ARID5B: variants seen among roughly 807,000 people sequenced by gnomAD.
ARID5B encodes the protein AT-rich interaction domain 5B.
In ARID5B, 13 loss-of-function variants were observed where a neutral mutation model predicts 97.2. The ratio of observed to expected loss-of-function variants is 0.13; its 90% confidence interval spans 0.09 to 0.21. ARID5B has a LOEUF of 0.21. Ranked by LOEUF, ARID5B falls within the 10% of genes least tolerant of loss-of-function variation. ARID5B has a pLI of 1.00. For synonymous variants in ARID5B, 556 were observed against 570.3 expected (o/e 0.97, Z 0.36); for missense variants, 1,210 against 1,465.3 (o/e 0.83, Z 2.84).
chr10:61,948,065 C>T (rs948034569), intron 3 of ARID5B, among the ~76,000 whole-genome samples: 38 of 152,120 alleles, frequency 2.5e-4, no homozygotes, highest in African/African-American at 8.7e-4. Flanking sequence ...CCTACTTTTC[C>T]ATTTGGAGAT....
In ARID5B at chr10:61,932,389, TTTTTTCTTTTTC is replaced by T. The variant is rs1204699861; in HGVS notation, c.277-7776_277-7765del. ...AGGTTAGGGTGACTGTGGCAATTCC[TTTTTTCTTTTTC>T]TTTTTCTTTTTCTTTTTTTTTTTTT... is the stretch of plus-strand genomic sequence containing the variant. On this transcript the variant is annotated intron_variant, in intron 2 of 9. Transcript: ENST00000279873. Among the ~76,000 whole-genome samples the T allele has an allele frequency of 6.8e-3, 1,026 of 151,746 alleles. 14 individuals are homozygous for T. Among genetic ancestry groups the T allele is most frequent in the African/African-American group, 0.024 (989 of 41,334 alleles).
chr10:61,910,453 G>A (rs1369071446), intron 2 of ARID5B, among the ~76,000 whole-genome samples: 2 of 152,132 alleles, frequency 1.3e-5, no homozygotes, highest in Non-Finnish European at 2.9e-5. Flanking sequence ...CAAATTTATC[G>A]ATTGTTGGCT....
At chr10:61,908,914 A>AGAC in intron 2 of ARID5B, among the ~76,000 whole-genome samples, 1 of 151,746 alleles carries the variant, frequency 6.6e-6, no homozygotes, top group Non-Finnish European at 1.5e-5. Context: ...GACTCTTTCC[A>AGAC]TCTGTGTTCC....
At chr10:61,960,891 C>T (rs1838461595) in intron 3 of ARID5B, among the ~76,000 whole-genome samples, 1 of 152,242 alleles carries the variant, frequency 6.6e-6, no homozygotes, top group African/African-American at 2.4e-5. Context: ...TCTGGATCCC[C>T]AATCTCTAGC....
chr10:62,056,936 C>T (rs1420436637), intron 5 of ARID5B, among the ~76,000 whole-genome samples, 181 bp from the exon 6 acceptor site: 1 of 152,148 alleles, frequency 6.6e-6, no homozygotes, highest in Non-Finnish European at 1.5e-5. Flanking sequence ...AATTTGACAT[C>T]CCCTGGCCTC....
At chr10:61,973,875 G>A (rs548317650) in intron 3 of ARID5B, among the ~76,000 whole-genome samples, 2 of 152,304 alleles carry the variant, frequency 1.3e-5, no homozygotes, top group South Asian at 4.1e-4. Context: ...TGCTTTTACA[G>A]TGCAGTGCGG....
intron 8 of ARID5B, among the ~76,000 whole-genome samples, chr10:62,078,661 C>T (rs1840169812): frequency 6.6e-6 from 1 of 152,146 alleles, no homozygotes; most frequent in African/African-American, 2.4e-5. Flanking sequence ...ATTTTAATCC[C>T]TGGGACATAA....
rs755569877 is a variant in ARID5B at position 61,928,378 on chromosome 10, G to A, written c.277-11805G>A. Among the ~76,000 whole-genome samples the A allele has an allele frequency of 3.3e-5, 5 of 152,194 alleles. No individual in the cohort carries two copies. In the East Asian group the frequency reaches 7.7e-4, roughly 23 times the overall value. ...TGCAGTAGCACAATCATGGCTCACC[G>A]CAGCCTCAACTTCCTGGGCTCAGGT... is the stretch of plus-strand genomic sequence containing the variant. On this transcript the variant is annotated intron_variant, in intron 2 of 9. Transcript: ENST00000279873.
intron 4 of ARID5B, among the ~76,000 whole-genome samples, chr10:62,014,635 T>C (rs920289384): frequency 2.0e-5 from 3 of 152,068 alleles, no homozygotes; most frequent in African/African-American, 7.2e-5. Flanking sequence ...TCATACAAAA[T>C]AGGGAGCTTC....
At chr10:61,908,078 A>G (rs1189004619) in intron 2 of ARID5B, among the ~76,000 whole-genome samples, 1 of 152,210 alleles carries the variant, frequency 6.6e-6, no homozygotes, top group Non-Finnish European at 1.5e-5. Context: ...TACATATCCA[A>G]TCCAATTTCA....
At chr10:62,005,800 G>T (rs1217165113) in intron 4 of ARID5B, among the ~76,000 whole-genome samples, 2 of 152,190 alleles carry the variant, frequency 1.3e-5, no homozygotes, top group Non-Finnish European at 2.9e-5. Context: ...CACATGTTTT[G>T]CTGGAAATGA....
At chr10:61,969,205 G>A (rs558462870) in intron 3 of ARID5B, among the ~76,000 whole-genome samples, 1 of 152,196 alleles carries the variant, frequency 6.6e-6, no homozygotes, top group Admixed American at 6.5e-5. Flanking sequence ...GAGAACAATG[G>A]CATTACTTCT....
At chr10:62,039,826 C>T (rs1839612027) in intron 4 of ARID5B, among the ~76,000 whole-genome samples, 1 of 152,216 alleles carries the variant, frequency 6.6e-6, no homozygotes, top group Non-Finnish European at 1.5e-5. Context: ...CATATTTTGT[C>T]ATAAATGGGA....
intron 5 of ARID5B, among the ~76,000 whole-genome samples, chr10:62,053,251 AG>A (rs754928048): frequency 1.3e-5 from 2 of 152,218 alleles, no homozygotes; most frequent in Non-Finnish European, 2.9e-5. Context: ...TCTTTTTAAA[AG>A]TGCCTCAAAC....
intron 3 of ARID5B, among the ~76,000 whole-genome samples, chr10:61,978,209 A>T (rs1198599261): frequency 3.3e-5 from 5 of 152,058 alleles, no homozygotes; most frequent in Non-Finnish European, 7.4e-5. Context: ...GTTCGGTTCC[A>T]TTGGTCTATA....
intron 4 of ARID5B, among the ~76,000 whole-genome samples, chr10:62,020,573 C>T (rs1839343096): frequency 6.6e-6 from 1 of 152,152 alleles, no homozygotes; most frequent in South Asian, 2.1e-4. Flanking sequence ...TTTTCTTTAG[C>T]TTGAATTCAA....
intron 2 of ARID5B, among the ~76,000 whole-genome samples, chr10:61,927,269 T>C (rs1367936410): frequency 6.6e-6 from 1 of 152,224 alleles, no homozygotes; most frequent in Non-Finnish European, 1.5e-5. Context: ...CTACCCTATG[T>C]AGTTGGTTAC....
Position 62,091,656 on chromosome 10 carries a change from T to G in ARID5B, c.2193T>G (p.Ser731Arg). ...KLIARDDLCS[S>R]LSQTHHGQST... Reference sequence around the variant, plus strand: ...TTGCTAGGGATGACTTGTGTTCCAGTTTGTCCCAGACCCACCATGGCCAAA... The same window carrying G: ...TTGCTAGGGATGACTTGTGTTCCAGGTTGTCCCAGACCCACCATGGCCAAA... The change falls in exon 10 of 10, where the codon AGT (serine) becomes AGG (arginine). Residue 731 changes from serine to arginine, a missense_variant. Physicochemically the swap from Ser to Arg is moderately radical, Grantham distance 110. This residue lies in a region of ARID5B where 800 missense variants were observed against 839.1 expected (regional missense o/e 0.95). Coordinates refer to ENST00000279873, the MANE Select transcript of ARID5B (RefSeq NM_032199.3). The G allele has an allele frequency of 6.2e-7, 1 of 1,614,136 alleles. No individual in the cohort carries two copies. The highest frequency in any genetic ancestry group is 8.5e-7 in the Non-Finnish European group (1 of 1,180,018).
At chr10:61,969,162 C>A (rs549416112) in intron 3 of ARID5B, among the ~76,000 whole-genome samples, 2 of 152,236 alleles carry the variant, frequency 1.3e-5, no homozygotes, top group East Asian at 1.9e-4. Flanking sequence ...TACCCTCCCC[C>A]CCAAATAAAG....
Sources: gnomAD v4.1 joint callset for allele counts (sites outside exome capture counted in the v4.1 genomes callset) on GRCh38, gnomAD v4.1.1 for gene constraint, gnomAD v4.1.1 regional missense constraint, MANE v1.5 for transcripts, NCBI Gene and HGNC (gene_info 2026-07-23, HGNC 2026-07-21) for gene names.